The following DTWD2 variants were observed in gnomAD, a reference collection of about 807,000 sequenced individuals.
DTWD2 encodes DTW motif tRNA-uridine aminocarboxypropyltransferase 2, also known as tRNA-uridine aminocarboxypropyltransferase 2.
In DTWD2, 39 loss-of-function variants were observed where a neutral mutation model predicts 31.8. The observed-to-expected ratio is 1.22, with a 90% CI of 0.95 to 1.60. DTWD2 has a LOEUF of 1.60. DTWD2 is among the 40% of genes most tolerant of loss of function. DTWD2 has a pLI of 0.00. For missense variants in DTWD2, 515 were observed against 381.5 expected, an observed-to-expected ratio of 1.35 and a Z score of -2.92; for synonymous variants, 180 against 142.8, an observed-to-expected ratio of 1.26 and a Z score of -1.86.
rs1215932955 is a variant in DTWD2 at position 118,878,226 on chromosome 5, AAAGCTGG to A, written c.598-30015_598-30009del. Among the ~76,000 whole-genome samples the A allele has an allele frequency of 1.5e-4, 23 of 152,376 alleles. No individual in the cohort carries two copies. The South Asian group carries it at 2.5e-3, about 16-fold the overall frequency. On this transcript the variant is annotated intron_variant, in intron 4 of 5. Coordinates refer to ENST00000510708, the MANE Select transcript of DTWD2 (RefSeq NM_173666.4). ...CAAGGCAATCCTAAGCAAAAAGGAC[AAAGCTGG>A]AAGCATCACACTATCTGACTCTGAA...
At chr5:118,937,475 C>G (rs1171820115) in intron 3 of DTWD2, among the ~76,000 whole-genome samples, 1 of 151,914 alleles carries the variant, frequency 6.6e-6, no homozygotes, top group Non-Finnish European at 1.5e-5. Context: ...CGTAAGTTAT[C>G]TGTAATCCAG....
intron 3 of DTWD2, among the ~76,000 whole-genome samples, 164 bp downstream of exon 3, chr5:118,939,032 G>C (rs1754116231): frequency 6.6e-6 from 1 of 151,418 alleles, no homozygotes; most frequent in African/African-American, 2.4e-5. Context: ...GTTTTGTTTT[G>C]TCTTGTATTA....
At chr5:118,956,527 T>C (rs1349879230) in intron 1 of DTWD2, among the ~76,000 whole-genome samples, 1 of 152,198 alleles carries the variant, frequency 6.6e-6, no homozygotes, top group Non-Finnish European at 1.5e-5. Context: ...CTAATAAAAT[T>C]ATATCTGACA....
chr5:118,987,552 C>T lies in DTWD2; in HGVS notation c.218+742G>A, dbSNP rs142707203. On this transcript the variant is annotated intron_variant, in intron 1 of 5. Transcript: ENST00000510708. ...TTGAGCTATTTTCTACAGTAGCAAC[C>T]CATTCCTTTCCTTCACTGCTTTTTT... 1.5e-3 allele frequency among the ~76,000 whole-genome samples: 222 copies of T among 152,302 alleles called. 1 individual carries two copies. Among genetic ancestry groups the T allele is most frequent in the African/African-American group, 5.1e-3 (211 of 41,560 alleles).
chr5:118,939,241 TG>T lies in DTWD2; in HGVS notation c.358del (p.Gln120ArgfsTer6). Reference protein sequence around the residue: ...TVPLLAACLPQDKCKVKIGRR... With the variant: ...TVPLLAACLPXDKCKVKIGRR... ...ACCGATCTTCACTTTACACTTGTCC[TG>T]GGGGAGGCATGCTGCTAGTAGAGGA... On this transcript the variant is annotated frameshift_variant, in exon 3 of 6. Transcript: ENST00000510708. LOFTEE classifies it high-confidence loss of function. 6.2e-7 allele frequency: 1 copy of T among 1,604,082 alleles called. No homozygotes were observed. Among genetic ancestry groups the T allele is most frequent in the Non-Finnish European group, 8.5e-7 (1 of 1,174,680 alleles).
intron 4 of DTWD2, among the ~76,000 whole-genome samples, chr5:118,918,615 T>C (rs1753633562): frequency 6.6e-6 from 1 of 152,112 alleles, no homozygotes; most frequent in Non-Finnish European, 1.5e-5. Context: ...CTTTCTTACT[T>C]TTACCATCAT....
At chr5:118,914,734 A>C (rs919995360) in intron 4 of DTWD2, among the ~76,000 whole-genome samples, 1 of 152,176 alleles carries the variant, frequency 6.6e-6, no homozygotes. Flanking sequence ...TATCACTTAA[A>C]ACAAGTAAAA....
At chr5:118,972,447 A>T (rs149596714) in intron 1 of DTWD2, among the ~76,000 whole-genome samples, 38 of 152,342 alleles carry the variant, frequency 2.5e-4, no homozygotes, top group African/African-American at 8.9e-4. Flanking sequence ...TGAATAGACC[A>T]ACAATGAGTT....
chr5:118,887,835 C>T (rs944978497), intron 4 of DTWD2, among the ~76,000 whole-genome samples: 5 of 152,148 alleles, frequency 3.3e-5, no homozygotes, highest in African/African-American at 1.2e-4. Context: ...GAGACGAGGT[C>T]TCTCTATGCT....
At chr5:118,984,630 T>G (rs1755380859) in intron 1 of DTWD2, among the ~76,000 whole-genome samples, 2 of 152,222 alleles carry the variant, frequency 1.3e-5, no homozygotes, top group Admixed American at 6.5e-5. Context: ...CTTGTTACTT[T>G]TGAAAAGAAA....
At chr5:118,944,517 A>T in intron 2 of DTWD2, 42 bp downstream of exon 2, 1 of 1,563,744 alleles carries the variant, frequency 6.4e-7, no homozygotes, top group East Asian at 2.3e-5. Context: ...CCTCTTGTGG[A>T]CTCATATTCT....
At chr5:118,866,140 T>G (rs185456791) in intron 4 of DTWD2, among the ~76,000 whole-genome samples, 2 of 152,146 alleles carry the variant, frequency 1.3e-5, no homozygotes, top group Non-Finnish European at 2.9e-5. Flanking sequence ...ATCTAAAAAC[T>G]GCTAAATTGT....
At position 118,878,294 on chromosome 5, in the gene DTWD2, G is replaced by A. The variant is rs536377497; in HGVS notation, c.598-30076C>T. ...GGGCTACAGTAACCAAAACAGCATG[G>A]TATTGGTATGAAAACAGACACATAA... On this transcript the variant is annotated intron_variant, in intron 4 of 5. Coordinates refer to ENST00000510708, the MANE Select transcript of DTWD2 (RefSeq NM_173666.4). Among the ~76,000 whole-genome samples the A allele has an allele frequency of 1.8e-4, 27 of 152,274 alleles. No individual in the cohort carries two copies. In the South Asian group the frequency reaches 2.9e-3, roughly 16 times the overall value.
chr5:118,889,738 T>C (rs1041806989), intron 4 of DTWD2, among the ~76,000 whole-genome samples: 2 of 152,130 alleles, frequency 1.3e-5, no homozygotes, highest in African/African-American at 4.8e-5. Flanking sequence ...CAAAAAACGA[T>C]AGTTTTTTCA....
intron 4 of DTWD2, among the ~76,000 whole-genome samples, chr5:118,849,673 A>T (rs1472683734): frequency 6.6e-6 from 1 of 152,258 alleles, no homozygotes; most frequent in Non-Finnish European, 1.5e-5. Flanking sequence ...TGGCACATAT[A>T]CACCCTGGAA....
chr5:118,912,178 T>A (rs568201207), intron 4 of DTWD2, among the ~76,000 whole-genome samples: 42 of 152,322 alleles, frequency 2.8e-4, no homozygotes, highest in African/African-American at 9.6e-4. Context: ...ATGTAATTGT[T>A]TTGATTTGGG....
intron 1 of DTWD2, among the ~76,000 whole-genome samples, chr5:118,948,824 T>G (rs1318183186): frequency 1.3e-5 from 2 of 152,120 alleles, no homozygotes; most frequent in African/African-American, 4.8e-5. Context: ...GGAAAGGATT[T>G]AGGATCTATG....
chr5:118,898,071 C>T (rs1364824347), intron 4 of DTWD2, among the ~76,000 whole-genome samples: 1 of 151,832 alleles, frequency 6.6e-6, no homozygotes, highest in Non-Finnish European at 1.5e-5. Flanking sequence ...TGCCGTGTTG[C>T]CCAGGCTGGT....
chr5:118,899,810 T>C (rs1311554171), intron 4 of DTWD2, among the ~76,000 whole-genome samples: 2 of 149,022 alleles, frequency 1.3e-5, no homozygotes, highest in Non-Finnish European at 3.0e-5. Flanking sequence ...TTTTTTTTTT[T>C]TTTTTTTTTG....
Sources: allele counts gnomAD v4.1 joint callset (sites outside exome capture counted in the v4.1 genomes callset), GRCh38; gene constraint gnomAD v4.1.1; transcripts MANE v1.5; gene names NCBI Gene and HGNC (gene_info 2026-07-23, HGNC 2026-07-21).